GIPC2: variants seen among roughly 807,000 people sequenced by gnomAD.
GIPC2 encodes the protein PDZ domain-containing protein GIPC2.
GIPC2 carries 30 observed loss-of-function variants against 30.6 expected under a neutral mutation model. The observed-to-expected ratio is 0.98, with a 90% CI of 0.73 to 1.33. The LOEUF is 1.33. Ranked by LOEUF, GIPC2 falls within the 40% of genes most tolerant of loss-of-function variation. The pLI is 0.00. For missense variants in GIPC2, 414 were observed against 390.3 expected (o/e 1.06, Z -0.51); for synonymous variants, 167 against 150.0 (o/e 1.11, Z -0.83).
intron 1 of GIPC2, among the ~76,000 whole-genome samples, chr1:78,063,426 A>T (rs1053484360): frequency 2.6e-5 from 4 of 151,672 alleles, no homozygotes; most frequent in African/African-American, 9.7e-5. Context: ...TGGGAAATGG[A>T]GGTTGCAGTG....
chr1:78,065,633 A>T (rs1661491896), intron 1 of GIPC2, among the ~76,000 whole-genome samples: 2 of 152,348 alleles, frequency 1.3e-5, no homozygotes, highest in South Asian at 4.1e-4. Flanking sequence ...ACGTCATGTT[A>T]TCTGAGTTCA....
intron 2 of GIPC2, among the ~76,000 whole-genome samples, chr1:78,093,237 CTA>C (rs748514518): frequency 3.9e-5 from 6 of 152,212 alleles, no homozygotes; most frequent in East Asian, 3.9e-4. Flanking sequence ...TCTTTAGACT[CTA>C]GTCTTTTCTT....
In GIPC2 at chr1:78,107,735, G is replaced by T. The variant is rs149335144; in HGVS notation, c.608-11658G>T. ...AGCTACTGGGGAGGCTGAGGCATGAGAATCACTTGAACCTGGGAGGTGGAG... is the reference window on the plus strand; with the variant it reads ...AGCTACTGGGGAGGCTGAGGCATGATAATCACTTGAACCTGGGAGGTGGAG... On this transcript the variant is annotated intron_variant, in intron 3 of 5. Coordinates refer to ENST00000370759, the MANE Select transcript of GIPC2 (RefSeq NM_017655.6). Among the ~76,000 whole-genome samples the T allele has an allele frequency of 3.6e-5, 5 of 138,134 alleles. No homozygotes were observed. In the East Asian group the frequency reaches 6.8e-4, roughly 19 times the overall value. The allele number at this position is 138,134 out of a possible 152,430, so 90.6% of individuals were successfully genotyped here. A position where few individuals can be genotyped will look rare whatever the true frequency, so the allele number is the denominator to read the frequency against.
chr1:78,104,560 G>A (rs1662308912), intron 3 of GIPC2, among the ~76,000 whole-genome samples: 1 of 152,148 alleles, frequency 6.6e-6, no homozygotes, highest in Non-Finnish European at 1.5e-5. Context: ...GATCAGGACT[G>A]GGATTAGGGG....
intron 5 of GIPC2, among the ~76,000 whole-genome samples, chr1:78,132,077 C>T (rs1662909760): frequency 6.6e-6 from 1 of 152,220 alleles, no homozygotes; most frequent in Non-Finnish European, 1.5e-5. Context: ...GTAGTGAATT[C>T]ACAGGGAGCA....
intron 1 of GIPC2, among the ~76,000 whole-genome samples, chr1:78,066,007 C>G (rs1557530065): frequency 6.6e-6 from 1 of 152,130 alleles, no homozygotes; most frequent in Admixed American, 6.5e-5. Flanking sequence ...ATGAAGACAT[C>G]AAAAGCAATT....
At chr1:78,131,367 A>G (rs1243242828) in intron 5 of GIPC2, among the ~76,000 whole-genome samples, 2 of 151,564 alleles carry the variant, frequency 1.3e-5, no homozygotes, top group African/African-American at 4.8e-5. Flanking sequence ...TGCCACCACG[A>G]CCAGCTAATT....
intron 1 of GIPC2, among the ~76,000 whole-genome samples, chr1:78,055,160 C>A (rs1661265528): frequency 6.6e-6 from 1 of 152,102 alleles, no homozygotes; most frequent in Admixed American, 6.6e-5. Flanking sequence ...TCATAGACAG[C>A]CATCTTGTTG....
At chr1:78,048,739 T>C (rs1187696271) in intron 1 of GIPC2, among the ~76,000 whole-genome samples, 2 of 152,130 alleles carry the variant, frequency 1.3e-5, no homozygotes, top group East Asian at 1.9e-4. Context: ...TTTCCTCCCA[T>C]GAAGCTATAT....
At chr1:78,118,753 G>A (rs1437902539) in intron 3 of GIPC2, among the ~76,000 whole-genome samples, 1 of 152,112 alleles carries the variant, frequency 6.6e-6, no homozygotes, top group Non-Finnish European at 1.5e-5. Flanking sequence ...GTTCAGGAAA[G>A]CATATGAACT....
rs762098841 is a variant in GIPC2 at position 78,046,022 on chromosome 1, C to T, written c.-73C>T. ...TTTTACCTGCGCGGGGCCCGGGGCG[C>T]AAAGTCCGAGGCGCCGGGGGGAGGA... On this transcript the variant is annotated 5_prime_UTR_variant, in exon 1 of 6. Transcript: ENST00000370759. 1.3e-5 allele frequency: 18 copies of T among 1,395,740 alleles called. No individual in the cohort carries two copies. The highest frequency in any genetic ancestry group is 1.5e-5 in the Non-Finnish European group (16 of 1,077,594). The allele number at this position is 1,395,740 out of a possible 1,614,324, so 86.5% of individuals were successfully genotyped here.
At chr1:78,073,330 C>T (rs1661658717) in intron 1 of GIPC2, among the ~76,000 whole-genome samples, 1 of 152,050 alleles carries the variant, frequency 6.6e-6, no homozygotes, top group African/African-American at 2.4e-5. Context: ...TCTCGAACTC[C>T]TGACCTCAAA....
chr1:78,127,189 T>C (rs530691258), intron 5 of GIPC2, among the ~76,000 whole-genome samples: 2 of 152,340 alleles, frequency 1.3e-5, no homozygotes, highest in East Asian at 3.9e-4. Context: ...AGCTCATTTA[T>C]CCTTTTCTAC....
intron 3 of GIPC2, among the ~76,000 whole-genome samples, chr1:78,101,900 C>T (rs1050347117): frequency 2.6e-5 from 4 of 152,136 alleles, no homozygotes; most frequent in African/African-American, 7.2e-5. Flanking sequence ...ACTCTAAGAC[C>T]AGACAAGACC....
intron 4 of GIPC2, among the ~76,000 whole-genome samples, chr1:78,124,912 G>A (rs545963602): frequency 2.0e-5 from 3 of 152,318 alleles, no homozygotes; most frequent in African/African-American, 4.8e-5. Context: ...GGGAGGCAGA[G>A]GTTGCAGTGA....
At chr1:78,097,984 G>T (rs1662169649) in intron 3 of GIPC2, among the ~76,000 whole-genome samples, 2 of 152,324 alleles carry the variant, frequency 1.3e-5, no homozygotes, top group African/African-American at 4.8e-5. Flanking sequence ...CACATAACAT[G>T]AAGGGATAAA....
intron 3 of GIPC2, among the ~76,000 whole-genome samples, chr1:78,118,479 C>T (rs1382372352): frequency 6.6e-6 from 1 of 152,050 alleles, no homozygotes; most frequent in East Asian, 1.9e-4. Flanking sequence ...CCCTTTCACT[C>T]ATTTATGTTA....
At chr1:78,064,427 C>T (rs766732035) in intron 1 of GIPC2, among the ~76,000 whole-genome samples, 8 of 152,184 alleles carry the variant, frequency 5.3e-5, no homozygotes, top group Non-Finnish European at 1.2e-4. Context: ...TTTTAACAAT[C>T]AAAGAGACCC....
rs984814540 is a variant in GIPC2 at position 78,062,652 on chromosome 1, C to T, written c.240+16318C>T. On this transcript the variant is annotated intron_variant, in intron 1 of 5. Transcript: ENST00000370759. ...CCTCCTAAGTAGCCGGGACCACAGG[C>T]GTGCCACAGTGCCCAGCTAATTTTT... Among the ~76,000 whole-genome samples, 6 of 151,390 alleles carry T rather than the reference C, an allele frequency of 4.0e-5. 1 individual carries two copies. Among genetic ancestry groups the T allele is most frequent in the African/African-American group, 1.2e-4 (5 of 41,160 alleles).
Sources: gnomAD v4.1 joint callset for allele counts (sites outside exome capture counted in the v4.1 genomes callset) on GRCh38, gnomAD v4.1.1 for gene constraint, MANE v1.5 for transcripts, NCBI Gene and HGNC (gene_info 2026-07-23, HGNC 2026-07-21) for gene names.